Variants in AGBL1 observed in about 807,000 individuals in gnomAD.
AGBL1 encodes AGBL carboxypeptidase 1, also known as cytosolic carboxypeptidase 4.
In AGBL1, 130 loss-of-function variants were observed where a neutral mutation model predicts 118.9. The observed-to-expected ratio is 1.09, with a 90% CI of 0.95 to 1.26. The LOEUF (loss-of-function observed/expected upper bound fraction) is 1.26, where lower values mean the gene tolerates loss of function less well. AGBL1 is among the 50% of genes most tolerant of loss of function. The pLI, the probability that AGBL1 is intolerant of heterozygous loss-of-function variation, is 0.00. For missense variants in AGBL1, 1,584 were observed against 1,298.1 expected, an observed-to-expected ratio of 1.22 and a Z score of -3.38; for synonymous variants, 555 against 478.9, an observed-to-expected ratio of 1.16 and a Z score of -2.08.
At chr15:86,284,432 T>C (rs896437515) in intron 16 of AGBL1, among the ~76,000 whole-genome samples, 1 of 152,192 alleles carries the variant, frequency 6.6e-6, no homozygotes, top group Non-Finnish European at 1.5e-5. Context: ...TAAGTCCCTT[T>C]AACTTGGGGA....
rs1445348670 is a variant in AGBL1, at chr15:86,914,040, TTTGGA to T, written c.*6747_*6751del. On this transcript the variant is annotated 3_prime_UTR_variant, in exon 23 of 23. Coordinates refer to ENST00000614907, the MANE Select transcript of AGBL1 (RefSeq NM_001386094.1). ...AATAAGTAACACTTAAGCATAATTA[TTTGGA>T]GCTATTCAGTTAAAGTGTCTGAGTG... is the stretch of plus-strand genomic sequence containing the variant. 6.6e-6 allele frequency: 1 copy of T among 152,182 alleles called. No individual in the cohort carries two copies. Among genetic ancestry groups the T allele is most frequent in the East Asian group, 1.9e-4 (1 of 5,194 alleles). 9.4% of individuals were successfully genotyped at this position (152,182 alleles called of 1,614,324 possible).
At chr15:86,555,556 A>G (rs1007713875) in intron 21 of AGBL1, among the ~76,000 whole-genome samples, 2 of 152,206 alleles carry the variant, frequency 1.3e-5, no homozygotes, top group African/African-American at 4.8e-5. Flanking sequence ...TAGTCTAAAG[A>G]CTTGTTTCAA....
At chr15:86,872,533 A>G (rs1215556344) in intron 22 of AGBL1, among the ~76,000 whole-genome samples, 4 of 152,202 alleles carry the variant, frequency 2.6e-5, no homozygotes, top group Non-Finnish European at 5.9e-5. Context: ...AGGTAGGCAG[A>G]ACACAAGGTC....
intron 5 of AGBL1, among the ~76,000 whole-genome samples, chr15:86,163,871 C>T (rs138753001): frequency 2.0e-5 from 3 of 152,236 alleles, no homozygotes; most frequent in Non-Finnish European, 4.4e-5. Flanking sequence ...ATATTTGTTA[C>T]CTTTTTTCCC....
At chr15:86,222,115 C>T (rs2078289967) in intron 5 of AGBL1, among the ~76,000 whole-genome samples, 1 of 152,022 alleles carries the variant, frequency 6.6e-6, no homozygotes, top group African/African-American at 2.4e-5. Context: ...CTGGGGCAGC[C>T]CTCTATTCTG....
intron 6 of AGBL1, among the ~76,000 whole-genome samples, chr15:86,231,514 G>A (rs913984497): frequency 4.6e-5 from 7 of 152,196 alleles, no homozygotes; most frequent in African/African-American, 7.2e-5. Context: ...TGGGATGGAC[G>A]GCTGTGATTG....
At chr15:86,633,614 GAATT>G (rs2085016613) in intron 21 of AGBL1, among the ~76,000 whole-genome samples, 7 of 151,526 alleles carry the variant, frequency 4.6e-5, no homozygotes, top group Admixed American at 4.6e-4. Flanking sequence ...TAAGTGGAAT[GAATT>G]AATCCCAAGG....
At chr15:86,867,596 A>T (rs1426994152) in intron 22 of AGBL1, among the ~76,000 whole-genome samples, 1 of 152,168 alleles carries the variant, frequency 6.6e-6, no homozygotes, top group Admixed American at 6.5e-5. Flanking sequence ...GAAACATGTC[A>T]TGTGAGTGAA....
chr15:86,120,420 T>C (rs1567067229), intron 1 of AGBL1, among the ~76,000 whole-genome samples: 1 of 152,274 alleles, frequency 6.6e-6, no homozygotes, highest in East Asian at 1.9e-4. Context: ...GAAAAGATGG[T>C]GTCCCCTCCT....
intron 3 of AGBL1, among the ~76,000 whole-genome samples, chr15:86,149,694 C>G (rs1279096167): frequency 6.6e-6 from 1 of 152,150 alleles, no homozygotes; most frequent in Non-Finnish European, 1.5e-5. Flanking sequence ...TTTAACACCC[C>G]ATTGTCAATA....
intron 18 of AGBL1, among the ~76,000 whole-genome samples, chr15:86,443,396 A>G (rs1330582862): frequency 2.6e-5 from 4 of 152,224 alleles, no homozygotes; most frequent in Non-Finnish European, 5.9e-5. Flanking sequence ...ACAATGTGTA[A>G]TGATGAAATC....
At position 86,264,413 on chromosome 15, in the gene AGBL1, C is replaced by T; in HGVS notation, c.1242C>T (p.Ser414=). The T allele has an allele frequency of 6.2e-7, 1 of 1,613,940 alleles. No homozygotes were observed. Among genetic ancestry groups the T allele is most frequent in the Non-Finnish European group, 8.5e-7 (1 of 1,179,876 alleles). ...AAAGAGAATATGCTGTCCAGACTTC[C>T]CTTCTGTGCAGGGTGAAGACGGGAA... ...GQEREYAVQT[S]LLCRVKTGRS... Residue 414 remains serine, a synonymous_variant, in exon 11 of 23, where the codon TCC becomes TCT. Coordinates refer to ENST00000614907, the MANE Select transcript of AGBL1 (RefSeq NM_001386094.1).
At chr15:86,344,554 A>C (rs1200828995) in intron 17 of AGBL1, among the ~76,000 whole-genome samples, 1 of 151,864 alleles carries the variant, frequency 6.6e-6, no homozygotes, top group Non-Finnish European at 1.5e-5. Flanking sequence ...CCAGGAGTTA[A>C]GAGTGAGGGC....
intron 18 of AGBL1, among the ~76,000 whole-genome samples, chr15:86,431,742 G>A (rs532808567): frequency 2.6e-5 from 4 of 152,216 alleles, no homozygotes; most frequent in Admixed American, 2.6e-4. Context: ...ACTGAGTTGT[G>A]GTCATTTTAT....
intron 21 of AGBL1, among the ~76,000 whole-genome samples, chr15:86,629,356 G>T (rs913524114): frequency 1.3e-5 from 2 of 152,134 alleles, no homozygotes; most frequent in Non-Finnish European, 2.9e-5. Flanking sequence ...TGAATTAATG[G>T]ATCTCTGTGG....
chr15:86,245,903 CTTTG>C (rs375852280), intron 6 of AGBL1, among the ~76,000 whole-genome samples: 351 of 151,988 alleles, frequency 2.3e-3, no homozygotes, highest in African/African-American at 7.7e-3. Context: ...TTCTTTCTTT[CTTTG>C]TTTTTTTTTC....
chr15:86,814,769 A>C (rs2078836583), intron 22 of AGBL1, among the ~76,000 whole-genome samples: 1 of 152,222 alleles, frequency 6.6e-6, no homozygotes, highest in Non-Finnish European at 1.5e-5. Flanking sequence ...CAAAGAAAAC[A>C]GTCAATTTTT....
chr15:87,014,165 G>A (rs72757500), intron 24 of AGBL1, among the ~76,000 whole-genome samples: 2,377 of 152,244 alleles, frequency 0.016, 40 homozygotes, highest in Middle Eastern at 0.034. Context: ...ATGTTATTTA[G>A]AAAGTCTTAA....
intron 17 of AGBL1, among the ~76,000 whole-genome samples, chr15:86,383,740 C>T (rs2081145026): frequency 6.6e-6 from 1 of 152,218 alleles, no homozygotes; most frequent in African/African-American, 2.4e-5. Context: ...GCTGCAAGAG[C>T]AGATACTTTG....
Sources: allele counts gnomAD v4.1 joint callset (sites outside exome capture counted in the v4.1 genomes callset), GRCh38; gene constraint gnomAD v4.1.1; transcripts MANE v1.5; gene names NCBI Gene and HGNC (gene_info 2026-07-23, HGNC 2026-07-21).